The following PTRH1 variants were observed in gnomAD, a reference collection of about 807,000 sequenced individuals.
PTRH1 encodes the protein peptidyl-tRNA hydrolase 1 homolog, also known as peptidyl-tRNA hydrolase.
In PTRH1, 13 loss-of-function variants were observed where a neutral mutation model predicts 15.7. The ratio of observed to expected loss-of-function variants is 0.83; its 90% CI spans 0.54 to 1.31. PTRH1 has a LOEUF of 1.31. Ranked by LOEUF, PTRH1 falls within the 40% of genes most tolerant of loss-of-function variation. The pLI is 0.00. For missense variants in PTRH1, 319 were observed against 296.2 expected (o/e 1.08, Z -0.56); for synonymous variants, 139 against 136.7 (o/e 1.02, Z -0.12).
intron 1 of PTRH1, among the ~76,000 whole-genome samples, chr9:127,704,431 C>A (rs1000723301): frequency 7.3e-5 from 11 of 151,132 alleles, no homozygotes; most frequent in Admixed American, 6.6e-4. Context: ...ATCGCTTGAA[C>A]CCAGGAGGCA....
intron 1 of PTRH1, among the ~76,000 whole-genome samples, chr9:127,697,346 T>C (rs1237965653): frequency 6.6e-6 from 1 of 152,160 alleles, no homozygotes; most frequent in Non-Finnish European, 1.5e-5. Context: ...GCACCAGCTG[T>C]TGGCAAGAAG....
chr9:127,697,074 A>G (rs1842567368), intron 1 of PTRH1, among the ~76,000 whole-genome samples: 1 of 152,180 alleles, frequency 6.6e-6, no homozygotes, highest in African/African-American at 2.4e-5. Context: ...TCCCCTGTGC[A>G]TTACCTGTTA....
downstream of PTRH1, chr9:127,713,555 G>A: frequency 3.4e-6 from 1 of 291,374 alleles, no homozygotes; most frequent in South Asian, 4.6e-5. Flanking sequence ...CACCCAGACT[G>A]GAGTGCAGTG....
intron 1 of PTRH1, among the ~76,000 whole-genome samples, chr9:127,701,315 G>C (rs1842601592): frequency 6.6e-6 from 1 of 152,110 alleles, no homozygotes; most frequent in Non-Finnish European, 1.5e-5. Flanking sequence ...CCAAATCACA[G>C]GTGTAATTCT....
chr9:127,694,388 C>G (rs1302932340), intron 2 of PTRH1, among the ~76,000 whole-genome samples: 1 of 152,220 alleles, frequency 6.6e-6, no homozygotes. Flanking sequence ...TCCCTCCAAT[C>G]TCCTGGGAGT....
Position 127,703,171 on chromosome 9 carries a change from C to A in PTRH1, c.206-8030G>T, listed in dbSNP as rs1224626445. Among the ~76,000 whole-genome samples the A allele has an allele frequency of 2.0e-5, 3 of 152,094 alleles. No homozygotes were observed. The East Asian group carries it at 5.8e-4, about 30-fold the overall frequency. On this transcript the variant is annotated intron_variant, in intron 1 of 2. Coordinates refer to the PTRH1 transcript ENST00000335223. ...AATAACAAATAAAAGCCAATTAAGGCTAGGTGCTATGGCTCACACCTGTAA... is the reference window on the plus strand; with the variant it reads ...AATAACAAATAAAAGCCAATTAAGGATAGGTGCTATGGCTCACACCTGTAA...
rs1396155805 is a variant in PTRH1, at chr9:127,715,424, AC to A, written c.96+119del. 3 of 1,429,568 alleles carry A rather than the reference AC, an allele frequency of 2.1e-6. No homozygotes were observed. Among genetic ancestry groups the A allele is most frequent in the Non-Finnish European group, 1.9e-6 (2 of 1,037,886 alleles). The allele number at this position is 1,429,568 out of a possible 1,614,324, so 88.6% of individuals were successfully genotyped here. On this transcript the variant is annotated intron_variant, in intron 1 of 4. Coordinates refer to ENST00000543175, the MANE Select transcript of PTRH1 (RefSeq NM_001002913.3). The surrounding 1 kb of genome is among the most constrained non-coding windows in gnomAD (Gnocchi z 5.8). ...TCAAGAAGTTTGGAGCCCGTCGAGC[AC>A]TGAACTCACCAGTTAAGAAAACAGA...
chr9:127,705,583 C>T lies in PTRH1; in HGVS notation c.205+9852G>A, dbSNP rs1218727215. ...CCATTAAGCTGGGAATTCAGAGCTACCCCCTGCAATGGGCCTGGGGAAAAG... is the reference window on the plus strand; with the variant it reads ...CCATTAAGCTGGGAATTCAGAGCTATCCCCTGCAATGGGCCTGGGGAAAAG... On this transcript the variant is annotated intron_variant, in intron 1 of 2. Coordinates refer to the PTRH1 transcript ENST00000335223. The surrounding 1 kb of genome is among the most constrained non-coding windows in gnomAD (Gnocchi z 4.7). 2.6e-5 allele frequency among the ~76,000 whole-genome samples: 4 copies of T among 152,224 alleles called. No homozygotes were observed. The highest frequency in any genetic ancestry group is 9.6e-5 in the African/African-American group (4 of 41,458).
At chr9:127,712,962 C>T (rs1842802062), downstream of PTRH1, 2 of 1,597,558 alleles carry the variant, frequency 1.3e-6, no homozygotes, top group Non-Finnish European at 8.5e-7. Flanking sequence ...CTCGGCTCAC[C>T]CTGGGCCAGA....
chr9:127,700,339 C>T (rs944743651), intron 1 of PTRH1, among the ~76,000 whole-genome samples: 2 of 152,182 alleles, frequency 1.3e-5, no homozygotes, highest in Non-Finnish European at 2.9e-5. Context: ...TCTCCTTCTC[C>T]AAGCCTAGCG....
exon 2 of PTRH1, chr9:127,695,085 G>C: frequency 1.4e-6 from 1 of 702,424 alleles, no homozygotes. Context: ...TGATGATGAT[G>C]ATGATGATGG....
chr9:127,709,344 A>C (rs1293235330), downstream of PTRH1: 6 of 1,476,368 alleles, frequency 4.1e-6, no homozygotes, highest in Non-Finnish European at 5.5e-6. This position sits in a 1 kb window ranked among gnomAD's most constrained non-coding sequence, Gnocchi z 4.7. Context: ...CAGGGAGTCC[A>C]GGAGAGTGGG....
At chr9:127,694,366 C>T (rs189583416) in intron 2 of PTRH1, among the ~76,000 whole-genome samples, 46 of 152,282 alleles carry the variant, frequency 3.0e-4, no homozygotes, top group Non-Finnish European at 4.7e-4. Flanking sequence ...TGCTGCTTCC[C>T]GGGATCATCT....
intron 1 of PTRH1, among the ~76,000 whole-genome samples, chr9:127,706,470 C>A (rs1445394423): frequency 6.6e-6 from 1 of 152,184 alleles, no homozygotes; most frequent in Non-Finnish European, 1.5e-5. Flanking sequence ...GCCCGCTGTC[C>A]CACGGAGTGA....
intron 1 of PTRH1, among the ~76,000 whole-genome samples, chr9:127,701,874 A>G (rs1842605938): frequency 6.6e-6 from 1 of 151,492 alleles, no homozygotes; most frequent in Non-Finnish European, 1.5e-5. Flanking sequence ...AGATCGCACC[A>G]TTGCACTCCA....
chr9:127,705,095 G>C lies in PTRH1; in HGVS notation c.206-9954C>G, dbSNP rs1842632748. Among the ~76,000 whole-genome samples the C allele has an allele frequency of 6.6e-6, 1 of 152,114 alleles. No individual in the cohort carries two copies. Among genetic ancestry groups the C allele is most frequent in the Admixed American group, 6.5e-5 (1 of 15,272 alleles). The stretch of plus-strand genomic sequence containing the variant: ...GGCCTCCCTGCTTCCCCAGGGCCTA[G>C]GTTTCTTCCCTCCAAAGTCTCCCAG... On this transcript the variant is annotated intron_variant, in intron 1 of 2. Coordinates refer to the PTRH1 transcript ENST00000335223. The surrounding 1 kb of genome is among the most constrained non-coding windows in gnomAD (Gnocchi z 4.7).
chr9:127,706,949 G>C (rs555891378), intron 1 of PTRH1: 20 of 1,521,996 alleles, frequency 1.3e-5, no homozygotes, highest in Non-Finnish European at 1.7e-5. Flanking sequence ...TCACTCCCTC[G>C]GCCTGTTGCT....
chr9:127,714,281 G>T lies in PTRH1; in HGVS notation c.464C>A (p.Ala155Glu). ...RSCISCLNSN[A>E]MPRLRVGIGR... ...GATACCCACCCGCAGCCTTGGCATT[G>T]CCTGTGGGAGAGCCAGAGAGGCCCA... Residue 155 changes from alanine to glutamate, a missense_variant and splice_region_variant, in exon 5 of 5, where the codon GCA (alanine) becomes GAA (glutamate). Ala to Glu is a moderately radical substitution (Grantham distance 107). Transcript: ENST00000543175. 5 of 1,613,972 alleles carry T rather than the reference G, an allele frequency of 3.1e-6. No individual in the cohort carries two copies. In the South Asian group the frequency reaches 5.5e-5, roughly 18 times the overall value.
At chr9:127,713,726 C>G (rs1014494443), downstream of PTRH1, 3 of 877,242 alleles carry the variant, frequency 3.4e-6, no homozygotes, top group East Asian at 7.7e-5. Context: ...AGGCTGGTCT[C>G]GAACTCCTGA....
Sources: allele counts gnomAD v4.1 joint callset (sites outside exome capture counted in the v4.1 genomes callset), GRCh38; gene constraint gnomAD v4.1.1; non-coding constraint Gnocchi (gnomAD v3.1); transcripts MANE v1.5; gene names NCBI Gene and HGNC (gene_info 2026-07-23, HGNC 2026-07-21).